Variants in PLAAT5 observed in about 807,000 individuals in gnomAD.
PLAAT5 encodes phospholipase A and acyltransferase 5.
A neutral mutation model predicts 27.8 loss-of-function variants in PLAAT5; 27 were observed. That is an observed-to-expected ratio of 0.97 (90% confidence interval 0.72 to 1.34). The LOEUF is 1.34. PLAAT5 is among the 40% of genes most tolerant of loss of function. PLAAT5 has a pLI of 0.00. For missense variants in PLAAT5, 368 were observed against 343.8 expected, an observed-to-expected ratio of 1.07 and a Z score of -0.56; for synonymous variants, 125 against 136.1, an observed-to-expected ratio of 0.92 and a Z score of 0.57.
Position 63,463,460 on chromosome 11 carries a change from C to T in PLAAT5, c.*43G>A, listed in dbSNP as rs936535727. 6.9e-6 allele frequency: 10 copies of T among 1,446,248 alleles called. No individual in the cohort carries two copies. Among genetic ancestry groups the T allele is most frequent in the African/African-American group, 1.4e-5 (1 of 71,750 alleles). The allele number at this position is 1,446,248 out of a possible 1,614,324, so 89.6% of individuals were successfully genotyped here. A position where few individuals can be genotyped will look rare whatever the true frequency, so the allele number is the denominator to read the frequency against. On this transcript the variant is annotated 3_prime_UTR_variant, in exon 6 of 6. Transcript: ENST00000540857. The stretch of plus-strand genomic sequence containing the variant: ...AAGGGAAGGAAGCATGTTCTTTTTG[C>T]TTGTGTCAGTAACTCTTCCTCTAGC...
At chr11:63,484,995 A>G (rs2120332798) in intron 3 of PLAAT5, among the ~76,000 whole-genome samples, 1 of 152,238 alleles carries the variant, frequency 6.6e-6, no homozygotes, top group East Asian at 1.9e-4. Flanking sequence ...GTACACCAAC[A>G]ATGACCAAGC....
chr11:63,490,334 C>A lies in PLAAT5; in HGVS notation c.149-1G>T. On this transcript the variant is annotated splice_acceptor_variant, in intron 1 of 5. Coordinates refer to ENST00000540857, the MANE Select transcript of PLAAT5 (RefSeq NM_001146729.2). LOFTEE classifies it high-confidence loss of function. ...AACGCTGCGAATCCCACGGATTCTT[C>A]TAATTCAAGGGGGGAAATGCTATTT... is the stretch of plus-strand genomic sequence containing the variant. 1 of 1,614,124 alleles carries A rather than the reference C, an allele frequency of 6.2e-7. No individual in the cohort carries two copies. The highest frequency in any genetic ancestry group is 8.5e-7 in the Non-Finnish European group (1 of 1,180,016).
At chr11:63,486,296 A>C (rs2016431538) in intron 3 of PLAAT5, among the ~76,000 whole-genome samples, 1 of 152,216 alleles carries the variant, frequency 6.6e-6, no homozygotes, top group Non-Finnish European at 1.5e-5. Context: ...TAACCAGAGG[A>C]AAAGAAGTCA....
rs1474325806 is a variant in PLAAT5 at position 63,488,996 on chromosome 11, C to G, written c.240-20G>C. ...TTCTCCCTAAATGATTTTGCAATCACAAAGTTAACAAATATCACTATTTCA... is the reference window on the plus strand; with the variant it reads ...TTCTCCCTAAATGATTTTGCAATCAGAAAGTTAACAAATATCACTATTTCA... On this transcript the variant is annotated intron_variant, in intron 2 of 5. Transcript: ENST00000540857. 1 of 1,461,460 alleles carries G rather than the reference C, an allele frequency of 6.8e-7. No homozygotes were observed. The highest frequency in any genetic ancestry group is 1.2e-5 in the South Asian group (1 of 86,086). The allele number at this position is 1,461,460 out of a possible 1,614,324, so 90.5% of individuals were successfully genotyped here.
In PLAAT5 at chr11:63,471,228, A is replaced by G. The variant is rs192312926; in HGVS notation, c.346-2763T>C. ...CACAGTAGAAAGAACTAAGGTATAG[A>G]CACTTCATACATTACACTAAATCAG... On this transcript the variant is annotated intron_variant, in intron 3 of 5. Transcript: ENST00000540857. Among the ~76,000 whole-genome samples the G allele has an allele frequency of 3.9e-3, 597 of 152,328 alleles. 2 individuals are homozygous for G. Among genetic ancestry groups the G allele is most frequent in the African/African-American group, 0.013 (543 of 41,586 alleles).
chr11:63,465,484 G>C (rs1266788494), intron 5 of PLAAT5, among the ~76,000 whole-genome samples: 1 of 150,576 alleles, frequency 6.6e-6, no homozygotes, highest in East Asian at 2.0e-4. Context: ...GCTTATCCCT[G>C]CTTTGTTAAG....
chr11:63,491,102 G>C lies in PLAAT5; in HGVS notation c.-68C>G, dbSNP rs2120351969. ...CTACGCCCCTGGCGAGTTCCCAGTC[G>C]GCGCGGCCCCTGGTCGGCGGAGCCG... On this transcript the variant is annotated 5_prime_UTR_variant, in exon 1 of 6. Coordinates refer to ENST00000540857, the MANE Select transcript of PLAAT5 (RefSeq NM_001146729.2). The C allele has an allele frequency of 7.9e-7, 1 of 1,270,442 alleles. No homozygotes were observed. The highest frequency in any genetic ancestry group is 4.0e-5 in the Admixed American group (1 of 25,056). The allele number at this position is 1,270,442 out of a possible 1,614,324, so 78.7% of individuals were successfully genotyped here.
intron 3 of PLAAT5, chr11:63,469,385 G>C: frequency 4.0e-6 from 1 of 249,104 alleles, no homozygotes; most frequent in Non-Finnish European, 8.9e-6. Context: ...TGGTATTGCT[G>C]TCTCTAAGCC....
chr11:63,487,269 A>G (rs972555409), intron 3 of PLAAT5, among the ~76,000 whole-genome samples: 3 of 152,220 alleles, frequency 2.0e-5, no homozygotes, highest in Non-Finnish European at 2.9e-5. Flanking sequence ...AAAATGGGCA[A>G]AAGATTTGAA....
chr11:63,490,738 C>A (rs1398639087), intron 1 of PLAAT5, 149 bp downstream of exon 1: 13 of 758,466 alleles, frequency 1.7e-5, no homozygotes, highest in Non-Finnish European at 2.5e-5. Flanking sequence ...AGCTTTATAA[C>A]AAGCGGTCGT....
intron 3 of PLAAT5, chr11:63,469,397 G>T: frequency 7.9e-6 from 2 of 253,852 alleles, no homozygotes; most frequent in South Asian, 1.3e-4. Flanking sequence ...CTCTAAGCCA[G>T]ACCTGATCAA....
At chr11:63,471,243 C>T (rs1411655998) in intron 3 of PLAAT5, among the ~76,000 whole-genome samples, 1 of 152,168 alleles carries the variant, frequency 6.6e-6, no homozygotes, top group Non-Finnish European at 1.5e-5. Context: ...TCATACATTA[C>T]ACTAAATCAG....
chr11:63,468,117 T>C (rs901824657), intron 4 of PLAAT5, among the ~76,000 whole-genome samples: 6 of 152,134 alleles, frequency 3.9e-5, no homozygotes, highest in African/African-American at 1.4e-4. Flanking sequence ...AAGGGCCCTC[T>C]AGGAGGTCAG....
chr11:63,478,731 A>T (rs1031822069), intron 3 of PLAAT5, among the ~76,000 whole-genome samples: 1 of 152,282 alleles, frequency 6.6e-6, no homozygotes, highest in Admixed American at 6.5e-5. Context: ...TTGGGAAAAG[A>T]GGATTTGCTG....
chr11:63,485,846 G>T (rs1323598266), intron 3 of PLAAT5, among the ~76,000 whole-genome samples: 7 of 152,198 alleles, frequency 4.6e-5, no homozygotes, highest in Admixed American at 4.6e-4. Context: ...ACAACCCACA[G>T]AGTGGGAGAG....
chr11:63,483,647 C>CA (rs899244670), intron 3 of PLAAT5, among the ~76,000 whole-genome samples: 17,692 of 64,024 alleles, frequency 0.28, 2,597 homozygotes, highest in Middle Eastern at 0.34. Flanking sequence ...ATGCCTACAC[C>CA]AAAAAAAAAA....
At chr11:63,464,439 C>T (rs570082767) in intron 5 of PLAAT5, among the ~76,000 whole-genome samples, 11 of 152,226 alleles carry the variant, frequency 7.2e-5, no homozygotes, top group South Asian at 2.1e-4. Context: ...GTGTGGGTCA[C>T]GAGGTCAAGA....
At chr11:63,464,571 G>A (rs760246987) in intron 5 of PLAAT5, among the ~76,000 whole-genome samples, 5 of 152,068 alleles carry the variant, frequency 3.3e-5, no homozygotes, top group East Asian at 1.9e-4. Flanking sequence ...CAGGAGAACC[G>A]CTTGAACCTG....
rs2016396923 is a variant in PLAAT5, at chr11:63,484,862, T to G, written c.345+4009A>C. On this transcript the variant is annotated intron_variant, in intron 3 of 5. Coordinates refer to ENST00000540857, the MANE Select transcript of PLAAT5 (RefSeq NM_001146729.2). ...AAAAAGGAAGTCAAACTGTTGCTGTTTGCTGATATGATCATAGACCTGGAA... is the reference window on the plus strand; with the variant it reads ...AAAAAGGAAGTCAAACTGTTGCTGTGTGCTGATATGATCATAGACCTGGAA... Among the ~76,000 whole-genome samples the G allele has an allele frequency of 2.0e-5, 3 of 152,080 alleles. No individual in the cohort carries two copies. The South Asian group carries it at 6.2e-4, about 31-fold the overall frequency.
Sources: allele counts gnomAD v4.1 joint callset (sites outside exome capture counted in the v4.1 genomes callset), GRCh38; gene constraint gnomAD v4.1.1; transcripts MANE v1.5; gene names NCBI Gene and HGNC (gene_info 2026-07-23, HGNC 2026-07-21).